UNC5A: variants seen among roughly 807,000 people sequenced by gnomAD.
UNC5A encodes netrin receptor UNC5A.
UNC5A carries 20 observed loss-of-function variants against 87.4 expected under a neutral mutation model. The ratio of observed to expected loss-of-function variants is 0.23; its 90% confidence interval spans 0.16 to 0.33. The LOEUF (loss-of-function observed/expected upper bound fraction) is 0.33, where lower values mean the gene tolerates loss of function less well. Among genes scored for constraint, UNC5A ranks in the 10% least tolerant of loss-of-function variants. UNC5A has a pLI of 1.00. For missense variants in UNC5A, 844 were observed against 1,133.4 expected (o/e 0.74, Z 3.67); for synonymous variants, 438 against 482.3 (o/e 0.91, Z 1.20).
chr5:176,869,632 C>T lies in UNC5A; in HGVS notation c.721+668C>T, dbSNP rs934872240. 3.3e-5 allele frequency: 23 copies of T among 700,020 alleles called. No individual in the cohort carries two copies. The highest frequency in any genetic ancestry group is 5.2e-5 in the Non-Finnish European group (20 of 383,716). The allele number at this position is 700,020 out of a possible 1,614,324, so 43.4% of individuals were successfully genotyped here. ...CGGCCAGTGAACGGTGGGTGGTCGA[C>T]GTGGACCGAGTGGTCCGTCTGCAGC... On this transcript the variant is annotated intron_variant, in intron 5 of 14. Coordinates refer to ENST00000329542, the MANE Select transcript of UNC5A (RefSeq NM_133369.3). This position sits in a 1 kb window ranked among gnomAD's most constrained non-coding sequence, Gnocchi z 9.1.
chr5:176,868,189 G>C lies in UNC5A; in HGVS notation c.352G>C (p.Gly118Arg). The C allele has an allele frequency of 6.2e-7, 1 of 1,613,682 alleles. No homozygotes were observed. Among genetic ancestry groups the C allele is most frequent in the East Asian group, 2.2e-5 (1 of 44,850 alleles). Residue 118 changes from glycine to arginine, a missense_variant, in exon 3 of 15, where the codon GGG becomes CGG. Gly to Arg is a moderately radical substitution (Grantham distance 125). Around this residue, in one of 3 missense-constraint regions of UNC5A, gnomAD observed 314 missense variants for 466.5 expected, o/e 0.67. Transcript: ENST00000329542. ...AAGGCAGCAGGTCGAGAAGGTGTTC[G>C]GGCTGGAGGAATACTGGTGCCAGTG... ...VSRQQVEKVF[G>R]LEEYWCQCVA...
intron 1 of UNC5A, among the ~76,000 whole-genome samples, chr5:176,827,728 A>G (rs532578368): frequency 1.3e-4 from 20 of 152,148 alleles, no homozygotes; most frequent in Non-Finnish European, 2.5e-4. Context: ...CTGCCAAACT[A>G]TTTTCCTTAA....
chr5:176,829,435 G>A (rs1756944935), intron 1 of UNC5A, among the ~76,000 whole-genome samples: 1 of 147,600 alleles, frequency 6.8e-6, no homozygotes, highest in Non-Finnish European at 1.5e-5. Flanking sequence ...ATGGATGGAT[G>A]GATGGATGGA....
chr5:176,855,996 G>A (rs1533009), intron 1 of UNC5A, among the ~76,000 whole-genome samples: 31 of 152,294 alleles, frequency 2.0e-4, no homozygotes, highest in Admixed American at 9.1e-4. Flanking sequence ...CCACCAGGCC[G>A]CTGGGAGGAT....
At chr5:176,843,616 C>G (rs145542063) in intron 1 of UNC5A, among the ~76,000 whole-genome samples, 1 of 152,208 alleles carries the variant, frequency 6.6e-6, no homozygotes, top group African/African-American at 2.4e-5. Flanking sequence ...AAAGCAGAGC[C>G]GGGGTGTAGT....
intron 1 of UNC5A, among the ~76,000 whole-genome samples, chr5:176,849,787 T>C (rs1304782430): frequency 6.6e-6 from 1 of 152,036 alleles, no homozygotes; most frequent in Non-Finnish European, 1.5e-5. Context: ...GGACTCAACC[T>C]CCTGATGCCC....
At chr5:176,847,171 C>A (rs1319044093) in intron 1 of UNC5A, among the ~76,000 whole-genome samples, 1 of 152,168 alleles carries the variant, frequency 6.6e-6, no homozygotes, top group Non-Finnish European at 1.5e-5. Flanking sequence ...TCTCCATGCC[C>A]GACGGCTGGA....
intron 1 of UNC5A, among the ~76,000 whole-genome samples, chr5:176,831,629 T>G (rs1054822735): frequency 1.3e-5 from 2 of 152,176 alleles, no homozygotes; most frequent in Non-Finnish European, 2.9e-5. Context: ...TGGACCCTCC[T>G]GCAGTGCCCA....
chr5:176,862,312 C>T (rs1212129431), intron 1 of UNC5A, among the ~76,000 whole-genome samples: 1 of 152,210 alleles, frequency 6.6e-6, no homozygotes, highest in Non-Finnish European at 1.5e-5. Flanking sequence ...GCCTGCCTGG[C>T]CAGATCCCTG....
chr5:176,849,616 C>G (rs1339264216), intron 1 of UNC5A, among the ~76,000 whole-genome samples: 1 of 152,212 alleles, frequency 6.6e-6, no homozygotes, highest in African/African-American at 2.4e-5. Context: ...TGGCCTGCCC[C>G]CTTGGATGGA....
intron 1 of UNC5A, 127 bp from the exon 2 acceptor site, chr5:176,862,497 C>A: frequency 1.1e-6 from 1 of 897,888 alleles, no homozygotes; most frequent in Non-Finnish European, 1.8e-6. Context: ...CCAGCTGGGA[C>A]ATGGCAGAGC....
chr5:176,840,060 T>C (rs781297391), intron 1 of UNC5A, among the ~76,000 whole-genome samples: 7 of 152,122 alleles, frequency 4.6e-5, no homozygotes, highest in South Asian at 4.1e-4. Context: ...TTTCACCATG[T>C]TGGCCAGGCT....
At chr5:176,837,595 C>A (rs949338476) in intron 1 of UNC5A, among the ~76,000 whole-genome samples, 1 of 152,164 alleles carries the variant, frequency 6.6e-6, no homozygotes, top group Non-Finnish European at 1.5e-5. Context: ...TTATCTGATG[C>A]GTGCAGAAGG....
chr5:176,832,324 G>A (rs531400667), intron 1 of UNC5A, among the ~76,000 whole-genome samples: 7 of 152,330 alleles, frequency 4.6e-5, no homozygotes, highest in African/African-American at 1.7e-4. Flanking sequence ...GATTTCACAG[G>A]GCTGGAGTGA....
intron 1 of UNC5A, among the ~76,000 whole-genome samples, chr5:176,834,669 C>CTCTCTCTCTCTG (rs1757106592): frequency 7.3e-6 from 1 of 137,568 alleles, no homozygotes; most frequent in Admixed American, 7.2e-5. Flanking sequence ...CCCGTCTTCT[C>CTCTCTCTCTCTG]TCTCTCTCTC....
At chr5:176,821,802 G>A (rs1235115687) in intron 1 of UNC5A, among the ~76,000 whole-genome samples, 2 of 152,214 alleles carry the variant, frequency 1.3e-5, no homozygotes, top group African/African-American at 2.4e-5. Context: ...GTGGACAAAG[G>A]CATCTCAGGC....
chr5:176,871,833 T>C (rs1380774219), intron 6 of UNC5A, among the ~76,000 whole-genome samples: 6 of 39,350 alleles, frequency 1.5e-4, no homozygotes, highest in African/African-American at 2.0e-4. Context: ...CTGCCCACAC[T>C]CGCCCCAACA....
chr5:176,830,791 TGCTGGCATGTGTGTGTGCGTGTGTGTGC>T (rs903043146), intron 1 of UNC5A, among the ~76,000 whole-genome samples: 1 of 146,746 alleles, frequency 6.8e-6, no homozygotes, highest in African/African-American at 2.5e-5. Flanking sequence ...GGCGTGTGTG[TGCTGGCATGTGTGTGTGCGTGTGTGTGC>T]GCTGGCATGT....
chr5:176,810,918 G>A lies in UNC5A; in HGVS notation c.70+98G>A. The A allele has an allele frequency of 1.8e-6, 2 of 1,087,422 alleles. No individual in the cohort carries two copies. The highest frequency in any genetic ancestry group is 1.1e-6 in the Non-Finnish European group (1 of 879,170). The allele number at this position is 1,087,422 out of a possible 1,614,324, so 67.4% of individuals were successfully genotyped here. ...TCCCTGACCAGCGCTGCCAGACCCG[G>A]CTGGGAGCCCCCCGAGGCCAAACTT... On this transcript the variant is annotated intron_variant, in intron 1 of 14. Coordinates refer to ENST00000329542, the MANE Select transcript of UNC5A (RefSeq NM_133369.3). The surrounding 1 kb of genome is among the most constrained non-coding windows in gnomAD (Gnocchi z 7.3).
Sources: allele counts gnomAD v4.1 joint callset (sites outside exome capture counted in the v4.1 genomes callset), GRCh38; gene constraint gnomAD v4.1.1; regional missense constraint gnomAD v4.1.1; non-coding constraint Gnocchi (gnomAD v3.1); transcripts MANE v1.5; gene names NCBI Gene and HGNC (gene_info 2026-07-23, HGNC 2026-07-21).